TRANK1: variants seen among roughly 807,000 people sequenced by gnomAD.
TRANK1 encodes the protein TPR and ankyrin repeat-containing protein 1.
TRANK1 carries 198 observed loss-of-function variants against 266.0 expected under a neutral mutation model. The ratio of observed to expected loss-of-function variants is 0.74; its 90% confidence interval spans 0.66 to 0.84. The LOEUF is 0.84. TRANK1 is among the 40% of genes least tolerant of loss of function. The pLI, the probability that TRANK1 is intolerant of heterozygous loss-of-function variation, is 0.00. For missense variants in TRANK1, 3,326 were observed against 3,634.6 expected, an observed-to-expected ratio of 0.92 and a Z score of 2.18; for synonymous variants, 1,396 against 1,384.1, an observed-to-expected ratio of 1.01 and a Z score of -0.19.
chr3:36,919,993 G>A (rs1361444081), intron 1 of TRANK1, among the ~76,000 whole-genome samples: 2 of 152,076 alleles, frequency 1.3e-5, no homozygotes, highest in African/African-American at 4.8e-5. Flanking sequence ...TCACGTTCTT[G>A]CAATATTGCT....
At chr3:36,865,262 A>G (rs989536478) in intron 9 of TRANK1, among the ~76,000 whole-genome samples, 19 of 152,142 alleles carry the variant, frequency 1.2e-4, no homozygotes, top group Non-Finnish European at 2.4e-4. Flanking sequence ...TCCTGACTTC[A>G]TAATCCACTC....
intron 20 of TRANK1, among the ~76,000 whole-genome samples, chr3:36,836,522 C>A (rs1339480700): frequency 6.6e-6 from 1 of 152,128 alleles, no homozygotes; most frequent in Non-Finnish European, 1.5e-5. Context: ...ATTCATTTTT[C>A]AATAATGCAT....
chr3:36,899,483 T>C (rs139351149), intron 3 of TRANK1, among the ~76,000 whole-genome samples: 1 of 152,220 alleles, frequency 6.6e-6, no homozygotes, highest in African/African-American at 2.4e-5. Flanking sequence ...AGTGAGACCT[T>C]GTCTCTACTA....
rs1182892085 is a variant in TRANK1 at position 36,852,242 on chromosome 3, C to T, written c.4653G>A (p.Lys1551=). 1 of 1,613,684 alleles carries T rather than the reference C, an allele frequency of 6.2e-7. No individual in the cohort carries two copies. The highest frequency in any genetic ancestry group is 1.3e-5 in the African/African-American group (1 of 74,898). Residue 1551 remains lysine (K), a synonymous_variant, in exon 14 of 24, where the codon AAG becomes AAA. Transcript: ENST00000645898. ...CACTACAAGACTCCAGAACAGTTGG[C>T]TTAGGACCATCAAAGAGGCCAGAAT... ...PRDSGLFDGP[K]PTVLESCSVS...
At chr3:36,872,128 T>C (rs191353004) in intron 9 of TRANK1, among the ~76,000 whole-genome samples, 1 of 152,294 alleles carries the variant, frequency 6.6e-6, no homozygotes, top group East Asian at 1.9e-4. Context: ...AGGCTGGGCA[T>C]GGTGGCTCAT....
At chr3:36,871,936 C>T (rs144656106) in intron 9 of TRANK1, among the ~76,000 whole-genome samples, 31 of 152,338 alleles carry the variant, frequency 2.0e-4, no homozygotes, top group Middle Eastern at 3.4e-3. Context: ...TTGCTGCCCA[C>T]TTGCACATTC....
chr3:36,835,001 A>T (rs1404354530), intron 20 of TRANK1, 94 bp from the exon 21 acceptor site: 1 of 1,256,248 alleles, frequency 8.0e-7, no homozygotes, highest in Non-Finnish European at 1.1e-6. Context: ...GGATAGTCAT[A>T]TGTCTGCTTT....
rs2080550929 is a variant in TRANK1 at position 36,944,857 on chromosome 3, C to A, written c.-48G>T. The A allele has an allele frequency of 2.1e-6, 3 of 1,434,580 alleles. No homozygotes were observed. The highest frequency in any genetic ancestry group is 1.5e-5 in the African/African-American group (1 of 67,068). 88.9% of individuals were successfully genotyped at this position (1,434,580 alleles called of 1,614,324 possible). ...CCAGGACCGCCGCCGCCTGGGGAAG[C>A]GCTTCCCTGTGGGCAGGGCGCGGCG... On this transcript the variant is annotated 5_prime_UTR_variant, in exon 1 of 24. Transcript: ENST00000645898.
rs751100738 is a variant in TRANK1, at chr3:36,846,404, G to A, written c.5035C>T (p.Leu1679Phe). 3 of 1,610,692 alleles carry A rather than the reference G, an allele frequency of 1.9e-6. No individual in the cohort carries two copies. Among genetic ancestry groups the A allele is most frequent in the Admixed American group, 1.7e-5 (1 of 59,656 alleles). ...AGCTGCTTCAGCTCTCCGTTGAGGAGCTAAAGATAACATTGAGGACAAAGA... is the reference window on the plus strand; with the variant it reads ...AGCTGCTTCAGCTCTCCGTTGAGGAACTAAAGATAACATTGAGGACAAAGA... Reference protein sequence around the residue: ...SLMVNPEMYKLLNGELKQLYT... With the variant: ...SLMVNPEMYKFLNGELKQLYT... The change falls in exon 17 of 24, where the codon CTC becomes TTC. Residue 1679 changes from leucine (L) to phenylalanine (F), a missense_variant and splice_region_variant. Physicochemically the swap from Leu to Phe is conservative, Grantham distance 22. Transcript: ENST00000645898.
intron 1 of TRANK1, among the ~76,000 whole-genome samples, chr3:36,913,437 T>G (rs1182153892): frequency 1.3e-5 from 2 of 151,936 alleles, no homozygotes; most frequent in Non-Finnish European, 2.9e-5. Flanking sequence ...TTGCTTGCTT[T>G]CTTTTTCTTG....
At chr3:36,893,766 T>C (rs967906798) in intron 5 of TRANK1, among the ~76,000 whole-genome samples, 2 of 152,178 alleles carry the variant, frequency 1.3e-5, no homozygotes, top group African/African-American at 4.8e-5. Context: ...TGACCATGAC[T>C]GGAGACCCAG....
At chr3:36,903,324 C>T in intron 2 of TRANK1, 49 bp from the exon 3 acceptor site, 2 of 1,517,922 alleles carry the variant, frequency 1.3e-6, no homozygotes, top group Non-Finnish European at 1.8e-6. Flanking sequence ...ATACAGAAAA[C>T]AGTCTGTGAA....
chr3:36,859,913 TA>T (rs1443268229), intron 11 of TRANK1, among the ~76,000 whole-genome samples: 1 of 152,116 alleles, frequency 6.6e-6, no homozygotes, highest in Non-Finnish European at 1.5e-5. Context: ...AGCCAACACC[TA>T]AAGGCTCTGC....
At chr3:36,912,141 G>T (rs895053835) in intron 1 of TRANK1, among the ~76,000 whole-genome samples, 1 of 151,338 alleles carries the variant, frequency 6.6e-6, no homozygotes. Context: ...AGTGAGCTGA[G>T]ATCAAGCCAC....
chr3:36,835,136 G>C (rs1268983561), intron 20 of TRANK1, among the ~76,000 whole-genome samples: 2 of 151,356 alleles, frequency 1.3e-5, no homozygotes, highest in Non-Finnish European at 2.9e-5. Context: ...CGGCTAAAAC[G>C]GTGAAACCCC....
intron 9 of TRANK1, among the ~76,000 whole-genome samples, chr3:36,873,479 A>C (rs890962073): frequency 6.6e-6 from 1 of 152,210 alleles, no homozygotes; most frequent in Non-Finnish European, 1.5e-5. Context: ...ATTCCTTTCT[A>C]TAGGTCTGCC....
intron 8 of TRANK1, among the ~76,000 whole-genome samples, chr3:36,888,199 G>A (rs546685528): frequency 7.2e-5 from 11 of 152,222 alleles, no homozygotes; most frequent in Non-Finnish European, 1.3e-4. Flanking sequence ...TCTACAACAC[G>A]GATAAACCTT....
chr3:36,896,236 C>A lies in TRANK1; in HGVS notation c.434-478G>T, dbSNP rs985290687. Among the ~76,000 whole-genome samples, 11 of 152,196 alleles carry A rather than the reference C, an allele frequency of 7.2e-5. No homozygotes were observed. In the South Asian group the frequency reaches 1.9e-3, roughly 26 times the overall value. On this transcript the variant is annotated intron_variant, in intron 4 of 23. Transcript: ENST00000645898. The stretch of plus-strand genomic sequence containing the variant: ...CATGACAAGAAACAAGACTGGAACC[C>A]AGATCTACCAACTCTTGTCATCAAT...
Position 36,852,251 on chromosome 3 carries a change from A to G in TRANK1, c.4644T>C (p.Asp1548=), listed in dbSNP as rs2078994501. ...ACTCCAGAACAGTTGGCTTAGGACC[A>G]TCAAAGAGGCCAGAATCCCTTGGAA... ...DRLPRDSGLF[D]GPKPTVLESC... The change falls in exon 14 of 24, where the codon GAT becomes GAC. Residue 1548 remains aspartate (D), a synonymous_variant. Coordinates refer to ENST00000645898, the MANE Select transcript of TRANK1 (RefSeq NM_001329998.2). 1.2e-6 allele frequency: 2 copies of G among 1,613,854 alleles called. No homozygotes were observed. The highest frequency in any genetic ancestry group is 1.7e-6 in the Non-Finnish European group (2 of 1,179,846).
Sources: allele counts gnomAD v4.1 joint callset (sites outside exome capture counted in the v4.1 genomes callset), GRCh38; gene constraint gnomAD v4.1.1; transcripts MANE v1.5; gene names NCBI Gene and HGNC (gene_info 2026-07-23, HGNC 2026-07-21).